FREM2: variants seen among roughly 807,000 people sequenced by gnomAD.
The protein encoded by FREM2 is FRAS1 related extracellular matrix 2.
Under a neutral mutation model 219.9 loss-of-function variants are expected in FREM2, and 119 were observed. The observed-to-expected ratio is 0.54, with a 90% confidence interval of 0.47 to 0.63. The LOEUF (loss-of-function observed/expected upper bound fraction) is 0.63, where lower values mean the gene tolerates loss of function less well. Among genes scored for constraint, FREM2 ranks in the 30% least tolerant of loss-of-function variants. The probability of loss-of-function intolerance (pLI) is 0.00; values close to 1 mark genes in which losing one functional copy is unlikely to be tolerated. For synonymous variants in FREM2, 1,562 were observed against 1,522.8 expected, an observed-to-expected ratio of 1.03 and a Z score of -0.60; for missense variants, 4,030 against 3,993.6, an observed-to-expected ratio of 1.01 and a Z score of -0.25.
At chr13:38,788,536 T>C (rs1050531083) in intron 6 of FREM2, among the ~76,000 whole-genome samples, 5 of 152,188 alleles carry the variant, frequency 3.3e-5, no homozygotes, top group Non-Finnish European at 5.9e-5. Flanking sequence ...ATGGCTGCGA[T>C]ATCAAATGTC....
intron 2 of FREM2, among the ~76,000 whole-genome samples, chr13:38,715,574 C>A (rs1422604613): frequency 6.6e-6 from 1 of 152,018 alleles, no homozygotes; most frequent in African/African-American, 2.4e-5. Context: ...TTTTAATCTA[C>A]CCAACAATCA....
At position 38,692,026 on chromosome 13, in the gene FREM2, G is replaced by A. The variant is rs761188049; in HGVS notation, c.4682G>A (p.Arg1561Lys). The change falls in exon 1 of 24, where the codon AGA (arginine) becomes AAA (lysine). Residue 1561 changes from arginine to lysine, a missense_variant. Transcript: ENST00000280481. The stretch of plus-strand genomic sequence containing the variant: ...CCTTTTGAGCTCACTGTCGAAGACA[G>A]AGATACTCCTGACAAGCTCCTGAAA... ...ITPFELTVED[R>K]DTPDKLLKFT... 1 of 1,614,224 alleles carries A rather than the reference G, an allele frequency of 6.2e-7. No individual in the cohort carries two copies.
intron 15 of FREM2, among the ~76,000 whole-genome samples, chr13:38,862,809 G>A (rs7994282): frequency 0.075 from 11,348 of 151,766 alleles, 686 homozygotes; most frequent in Admixed American, 0.18. Flanking sequence ...GAAAAAAAAA[G>A]AAGTCTACTT....
intron 2 of FREM2, among the ~76,000 whole-genome samples, chr13:38,743,937 G>T (rs573014794): frequency 1.0e-3 from 156 of 152,130 alleles, no homozygotes; most frequent in Non-Finnish European, 1.9e-3. Flanking sequence ...ACATACAAAG[G>T]TATATATGTT....
At chr13:38,818,029 A>C (rs1015428494) in intron 6 of FREM2, among the ~76,000 whole-genome samples, 9 of 152,152 alleles carry the variant, frequency 5.9e-5, no homozygotes, top group African/African-American at 1.4e-4. Flanking sequence ...ATTATAAAAA[A>C]AGACAAGTGT....
intron 2 of FREM2, among the ~76,000 whole-genome samples, chr13:38,742,813 G>T (rs9548444): frequency 0.5 from 76,255 of 152,002 alleles, 23,148 homozygotes; most frequent in Non-Finnish European, 0.67. Context: ...AATTAACTTG[G>T]TTCCCTATAT....
chr13:38,875,560 G>A (rs998823474), intron 18 of FREM2, among the ~76,000 whole-genome samples: 1 of 152,140 alleles, frequency 6.6e-6, no homozygotes, highest in African/African-American at 2.4e-5. Context: ...ATGATTGCAG[G>A]CAATCTAACT....
At chr13:38,764,904 A>G (rs148042593) in intron 3 of FREM2, among the ~76,000 whole-genome samples, 108 of 152,264 alleles carry the variant, frequency 7.1e-4, no homozygotes, top group African/African-American at 2.3e-3. Flanking sequence ...CTCCAATTCA[A>G]GTTCATATTT....
chr13:38,697,001 T>C (rs1436085574), intron 1 of FREM2, among the ~76,000 whole-genome samples: 2 of 152,004 alleles, frequency 1.3e-5, no homozygotes, highest in Non-Finnish European at 2.9e-5. Flanking sequence ...GGTTTCACCA[T>C]GTTGGCCAGG....
rs371098313 is a variant in FREM2 at position 38,846,769 on chromosome 13, A to G, written c.6169+47A>G. 1,212 of 1,599,718 alleles carry G rather than the reference A, an allele frequency of 7.6e-4. 1 individual carries two copies. Among genetic ancestry groups the G allele is most frequent in the Non-Finnish European group, 9.9e-4 (1,157 of 1,167,338 alleles). ...TCTTTTGATTGTTCTGCAATTTTCA[A>G]TGACCATGGCACAAATTTATTTAAA... On this transcript the variant is annotated intron_variant, in intron 7 of 23. Transcript: ENST00000280481.
intron 2 of FREM2, among the ~76,000 whole-genome samples, chr13:38,700,275 T>TGTA (rs1442293256): frequency 1.3e-5 from 2 of 152,124 alleles, no homozygotes; most frequent in Admixed American, 6.6e-5. Flanking sequence ...TCTGTTATGA[T>TGTA]GTAGTAATGG....
chr13:38,878,772 G>T (rs1299901878), intron 22 of FREM2, 59 bp from the exon 23 acceptor site: 32 of 1,516,542 alleles, frequency 2.1e-5, no homozygotes. Flanking sequence ...GAAACATGCT[G>T]TCCTGGCAAA....
chr13:38,773,766 G>A (rs1347266948), intron 4 of FREM2, among the ~76,000 whole-genome samples: 3 of 152,006 alleles, frequency 2.0e-5, no homozygotes, highest in Non-Finnish European at 4.4e-5. Flanking sequence ...GTTCCAACTG[G>A]GAAGGGTTTA....
At chr13:38,784,432 C>A in intron 5 of FREM2, 125 bp from the exon 6 acceptor site, 2 of 982,660 alleles carry the variant, frequency 2.0e-6, no homozygotes, top group Non-Finnish European at 3.1e-6. Flanking sequence ...GTTGCTATTG[C>A]AGTTCTAGGG....
chr13:38,709,371 TATTG>T (rs1366837425), intron 2 of FREM2, among the ~76,000 whole-genome samples: 5 of 152,174 alleles, frequency 3.3e-5, no homozygotes, highest in African/African-American at 1.2e-4. Context: ...TATAGCAATA[TATTG>T]ATTTATATAA....
intron 2 of FREM2, among the ~76,000 whole-genome samples, chr13:38,723,300 A>G (rs1180537191): frequency 2.0e-5 from 3 of 152,152 alleles, no homozygotes; most frequent in Non-Finnish European, 2.9e-5. Flanking sequence ...GAATGTGTCT[A>G]TGTCAATTTG....
rs1878721615 is a variant in FREM2 at position 38,886,260 on chromosome 13, A to G, written c.*5473A>G. 1 of 152,206 alleles carries G rather than the reference A, an allele frequency of 6.6e-6. No individual in the cohort carries two copies. Among genetic ancestry groups the G allele is most frequent in the Non-Finnish European group, 1.5e-5 (1 of 68,044 alleles). 9.4% of individuals were successfully genotyped at this position (152,206 alleles called of 1,614,324 possible). A position where few individuals can be genotyped will look rare whatever the true frequency, so the allele number is the denominator to read the frequency against. On this transcript the variant is annotated 3_prime_UTR_variant, in exon 24 of 24. Coordinates refer to ENST00000280481, the MANE Select transcript of FREM2 (RefSeq NM_207361.6). The stretch of plus-strand genomic sequence containing the variant: ...TTCTGTAAAAGCTAAATTTATGCAC[A>G]TTACAAAAAGTAGTCAAGTCAGTCT...
intron 2 of FREM2, among the ~76,000 whole-genome samples, chr13:38,710,945 A>G (rs1371398266): frequency 6.6e-6 from 1 of 152,236 alleles, no homozygotes; most frequent in Non-Finnish European, 1.5e-5. Flanking sequence ...GGTGACATCA[A>G]ACTCTTGCTC....
chr13:38,743,219 G>A (rs750731174), intron 2 of FREM2, among the ~76,000 whole-genome samples: 16 of 152,022 alleles, frequency 1.1e-4, no homozygotes, highest in Non-Finnish European at 2.2e-4. Context: ...GCATATTTGA[G>A]TAAGTTTTCT....
Sources: allele counts gnomAD v4.1 joint callset (sites outside exome capture counted in the v4.1 genomes callset), GRCh38; gene constraint gnomAD v4.1.1; transcripts MANE v1.5; gene names NCBI Gene and HGNC (gene_info 2026-07-23, HGNC 2026-07-21).